ZNF804B: variants seen among roughly 807,000 people sequenced by gnomAD.
ZNF804B encodes the protein zinc finger 804B.
ZNF804B carries 80 observed loss-of-function variants against 101.4 expected under a neutral mutation model. The observed-to-expected ratio is 0.79, with a 90% CI of 0.66 to 0.95. ZNF804B has a LOEUF of 0.95. Ranked by LOEUF, ZNF804B falls within the 40% of genes least tolerant of loss-of-function variation. The probability of loss-of-function intolerance (pLI) is 0.00; values close to 1 mark genes in which losing one functional copy is unlikely to be tolerated. For missense variants in ZNF804B, 1,673 were observed against 1,561.9 expected (o/e 1.07, Z -1.20); for synonymous variants, 622 against 558.8 (o/e 1.11, Z -1.59).
intron 1 of ZNF804B, among the ~76,000 whole-genome samples, chr7:89,095,748 T>C (rs1304650629): frequency 2.0e-5 from 3 of 152,230 alleles, no homozygotes; most frequent in Admixed American, 6.5e-5. Context: ...TGCATTTACA[T>C]TTGTTTCCTG....
chr7:89,241,273 C>A (rs1357467902), intron 2 of ZNF804B, among the ~76,000 whole-genome samples: 1 of 152,026 alleles, frequency 6.6e-6, no homozygotes, highest in African/African-American at 2.4e-5. Flanking sequence ...AGGTTTTATC[C>A]CAAGTTCCAG....
intron 1 of ZNF804B, among the ~76,000 whole-genome samples, chr7:89,166,216 G>T (rs1168170355): frequency 6.6e-6 from 1 of 152,030 alleles, no homozygotes; most frequent in African/African-American, 2.4e-5. Flanking sequence ...TGTGCTTCAA[G>T]AAAATATAGA....
chr7:89,159,438 C>T (rs1791025638), intron 1 of ZNF804B, among the ~76,000 whole-genome samples: 1 of 152,078 alleles, frequency 6.6e-6, no homozygotes, highest in Non-Finnish European at 1.5e-5. Flanking sequence ...GGACACATTA[C>T]CTAATCAGGC....
chr7:89,148,551 A>G (rs1790823559), intron 1 of ZNF804B, among the ~76,000 whole-genome samples: 1 of 152,132 alleles, frequency 6.6e-6, no homozygotes, highest in African/African-American at 2.4e-5. Flanking sequence ...AGTTATTCTA[A>G]AATAATGTTA....
intron 1 of ZNF804B, among the ~76,000 whole-genome samples, chr7:88,854,470 T>TTCCTTTCCTTTC (rs1791512152): frequency 3.9e-5 from 4 of 102,900 alleles, no homozygotes; most frequent in African/African-American, 1.2e-4. Context: ...TTTCTTTCTT[T>TTCCTTTCCTTTC]CTTTCTCTTT....
intron 1 of ZNF804B, among the ~76,000 whole-genome samples, chr7:88,835,616 A>C (rs1016110012): frequency 6.6e-5 from 10 of 151,866 alleles, no homozygotes; most frequent in Non-Finnish European, 1.5e-4. Flanking sequence ...TTAAAGGAAA[A>C]GTTACAATAA....
intron 2 of ZNF804B, among the ~76,000 whole-genome samples, chr7:89,295,791 G>A (rs978176448): frequency 2.0e-5 from 3 of 151,950 alleles, no homozygotes; most frequent in East Asian, 1.9e-4. Context: ...AGAAAATGTG[G>A]TATATATACA....
At chr7:89,254,120 T>TAACATTGCATTGACGGTTCTAGCTAGTGC (rs1336076532) in intron 2 of ZNF804B, among the ~76,000 whole-genome samples, 81 of 152,278 alleles carry the variant, frequency 5.3e-4, no homozygotes, top group Non-Finnish European at 1.0e-3. Flanking sequence ...AATTTCTATT[T>TAACATTGCATTGACGGTTCTAGCTAGTGC]AACATTGCAT....
chr7:89,336,753 T>C lies in ZNF804B; in HGVS notation c.3771T>C (p.Pro1257=). The C allele has an allele frequency of 6.2e-7, 1 of 1,614,118 alleles. No homozygotes were observed. Among genetic ancestry groups the C allele is most frequent in the Non-Finnish European group, 8.5e-7 (1 of 1,180,000 alleles). Residue 1257 remains proline (P), a synonymous_variant, in exon 4 of 4, where the codon CCT becomes CCC. Transcript: ENST00000333190. ...SFSTLTPTII[P]AHPTFLAGHP... ...CGACTCTGACTCCAACCATTATCCC[T>C]GCACACCCCACTTTCTTAGCAGGTC...
At chr7:89,285,394 G>A (rs1343578482) in intron 2 of ZNF804B, among the ~76,000 whole-genome samples, 1 of 151,022 alleles carries the variant, frequency 6.6e-6, no homozygotes, top group East Asian at 2.0e-4. Flanking sequence ...ATGGTGGCGG[G>A]TGCCTGTAGT....
chr7:89,069,719 C>A (rs572883362), intron 1 of ZNF804B, among the ~76,000 whole-genome samples: 1 of 152,106 alleles, frequency 6.6e-6, no homozygotes, highest in East Asian at 1.9e-4. Context: ...TGCTATATAT[C>A]TTTTTAGTCG....
At chr7:88,898,311 C>G (rs1234959032) in intron 1 of ZNF804B, among the ~76,000 whole-genome samples, 1 of 151,984 alleles carries the variant, frequency 6.6e-6, no homozygotes, top group Non-Finnish European at 1.5e-5. Context: ...TGGTCTCGAT[C>G]TCCTGACCTT....
At chr7:89,048,194 A>T (rs1334350076) in intron 1 of ZNF804B, among the ~76,000 whole-genome samples, 1 of 101,438 alleles carries the variant, frequency 9.9e-6, no homozygotes, top group African/African-American at 4.2e-5. Flanking sequence ...AGAACATATG[A>T]TGTTCACAAA....
intron 1 of ZNF804B, among the ~76,000 whole-genome samples, chr7:88,889,397 C>G (rs989241073): frequency 1.3e-5 from 2 of 152,158 alleles, no homozygotes; most frequent in Non-Finnish European, 2.9e-5. Flanking sequence ...TACATTCCCA[C>G]CAACAGTAGA....
intron 2 of ZNF804B, among the ~76,000 whole-genome samples, chr7:89,271,407 G>A (rs1240268946): frequency 6.6e-6 from 1 of 152,182 alleles, no homozygotes; most frequent in Non-Finnish European, 1.5e-5. Flanking sequence ...TTGCATCCCA[G>A]GGATGAAGCC....
At chr7:88,884,646 A>T (rs996424777) in intron 1 of ZNF804B, among the ~76,000 whole-genome samples, 2 of 151,896 alleles carry the variant, frequency 1.3e-5, no homozygotes, top group Non-Finnish European at 1.5e-5. Flanking sequence ...TATATTGCCT[A>T]TTATATGACA....
chr7:89,087,091 G>A (rs1241169997), intron 1 of ZNF804B, among the ~76,000 whole-genome samples: 2 of 150,302 alleles, frequency 1.3e-5, no homozygotes, highest in East Asian at 1.9e-4. Flanking sequence ...CACAATTTTC[G>A]AAGGACTCAG....
chr7:88,880,456 T>C (rs1792014557), intron 1 of ZNF804B, among the ~76,000 whole-genome samples: 1 of 152,216 alleles, frequency 6.6e-6, no homozygotes. Context: ...TTATAATCTT[T>C]TGTCTAACAT....
intron 2 of ZNF804B, among the ~76,000 whole-genome samples, chr7:89,233,281 T>G (rs1789227288): frequency 6.6e-6 from 1 of 152,170 alleles, no homozygotes; most frequent in Admixed American, 6.5e-5. Flanking sequence ...ACCCTTAGAG[T>G]AACTGTTAAT....
Sources: allele counts gnomAD v4.1 joint callset (sites outside exome capture counted in the v4.1 genomes callset), GRCh38; gene constraint gnomAD v4.1.1; transcripts MANE v1.5; gene names NCBI Gene and HGNC (gene_info 2026-07-23, HGNC 2026-07-21).